The following PPFIA2 variants were observed in gnomAD, a reference collection of about 807,000 sequenced individuals.
PPFIA2 encodes PPFI scaffold protein A2.
Under a neutral mutation model 175.5 loss-of-function variants are expected in PPFIA2, and 46 were observed. That is an observed-to-expected ratio of 0.26 (90% CI 0.21 to 0.34). The LOEUF is 0.34. Ranked by LOEUF, PPFIA2 falls within the 10% of genes least tolerant of loss-of-function variation. The pLI, the probability that PPFIA2 is intolerant of heterozygous loss-of-function variation, is 1.00. For missense variants in PPFIA2, 1,179 were observed against 1,506.1 expected (o/e 0.78, Z 3.60); for synonymous variants, 568 against 511.4 (o/e 1.11, Z -1.49).
intron 6 of PPFIA2, among the ~76,000 whole-genome samples, chr12:81,442,848 CATATATATAT>C (rs35192542): frequency 0.017 from 242 of 14,086 alleles, 2 homozygotes; most frequent in Non-Finnish European, 0.021. Flanking sequence ...TTTCTGACTT[CATATATATAT>C]ATATATATAT....
intron 4 of PPFIA2, among the ~76,000 whole-genome samples, chr12:81,605,619 T>C (rs554650186): frequency 5.0e-4 from 76 of 151,268 alleles, no homozygotes; most frequent in African/African-American, 1.8e-3. Flanking sequence ...GTAATATCAC[T>C]AGCCTGTCTG....
chr12:81,267,354 C>A, intron 29 of PPFIA2: 2 of 385,698 alleles, frequency 5.2e-6, no homozygotes, highest in Admixed American at 3.8e-5. Context: ...ACGAGACTGC[C>A]AAATTTTTAT....
At chr12:81,720,046 A>T (rs532483849) in intron 3 of PPFIA2, among the ~76,000 whole-genome samples, 24 of 103,374 alleles carry the variant, frequency 2.3e-4, no homozygotes, top group African/African-American at 3.2e-4. Flanking sequence ...TAGTAAATTT[A>T]AAAAAAAATG....
At chr12:81,749,197 C>T (rs2083433560) in intron 3 of PPFIA2, among the ~76,000 whole-genome samples, 1 of 144,376 alleles carries the variant, frequency 6.9e-6, no homozygotes, top group Admixed American at 7.3e-5. Flanking sequence ...AAAAATACCT[C>T]TTTAATATCA....
intron 4 of PPFIA2, among the ~76,000 whole-genome samples, chr12:81,658,804 G>A (rs1313306415): frequency 3.3e-5 from 5 of 151,764 alleles, no homozygotes; most frequent in African/African-American, 1.2e-4. Context: ...AAATAGAAAA[G>A]GAAGGGAGAA....
At chr12:81,508,850 T>C (rs2061482078) in intron 4 of PPFIA2, among the ~76,000 whole-genome samples, 1 of 146,762 alleles carries the variant, frequency 6.8e-6, no homozygotes, top group Non-Finnish European at 1.5e-5. Flanking sequence ...CACCTATGAG[T>C]GAGAATATGC....
At chr12:81,590,593 T>C (rs961213894) in intron 4 of PPFIA2, among the ~76,000 whole-genome samples, 18 of 152,092 alleles carry the variant, frequency 1.2e-4, no homozygotes, top group Admixed American at 6.6e-4. Context: ...CCATGTGTTG[T>C]GGGAGGAACC....
chr12:81,482,095 C>G (rs997618586), intron 4 of PPFIA2, among the ~76,000 whole-genome samples: 1 of 152,064 alleles, frequency 6.6e-6, no homozygotes, highest in Non-Finnish European at 1.5e-5. Context: ...ACAGACACTT[C>G]TCAAAAGAAG....
At chr12:81,673,710 T>C (rs116523990) in intron 4 of PPFIA2, among the ~76,000 whole-genome samples, 1,788 of 152,134 alleles carry the variant, frequency 0.012, 41 homozygotes, top group African/African-American at 0.04. Flanking sequence ...TTTTCTCCAA[T>C]GATAAAAGCA....
intron 4 of PPFIA2, among the ~76,000 whole-genome samples, chr12:81,523,337 AC>A (rs2063371052): frequency 6.6e-6 from 1 of 151,888 alleles, no homozygotes; most frequent in Non-Finnish European, 1.5e-5. Flanking sequence ...AGAATTGACC[AC>A]CCCCTATATT....
chr12:81,695,335 A>T (rs1397622390), intron 3 of PPFIA2, among the ~76,000 whole-genome samples: 1 of 152,146 alleles, frequency 6.6e-6, no homozygotes, highest in Non-Finnish European at 1.5e-5. Flanking sequence ...TCATAGGAGC[A>T]TATCCTTCAT....
chr12:81,717,368 A>G (rs962815037), intron 3 of PPFIA2, among the ~76,000 whole-genome samples: 6 of 151,696 alleles, frequency 4.0e-5, no homozygotes, highest in Non-Finnish European at 1.5e-5. Flanking sequence ...CATAGATCAT[A>G]GTTTGCTAGC....
At chr12:81,546,796 G>T (rs139063629) in intron 4 of PPFIA2, among the ~76,000 whole-genome samples, 19 of 151,794 alleles carry the variant, frequency 1.3e-4, no homozygotes, top group African/African-American at 4.1e-4. Flanking sequence ...GATAGATCAT[G>T]TTTTTTATGT....
intron 4 of PPFIA2, among the ~76,000 whole-genome samples, chr12:81,582,451 C>T (rs181848600): frequency 1.6e-4 from 24 of 151,636 alleles, no homozygotes; most frequent in East Asian, 1.4e-3. Context: ...ATTAGATTAA[C>T]GCAATATTAA....
chr12:81,477,940 G>T (rs189702384), intron 4 of PPFIA2, among the ~76,000 whole-genome samples: 33 of 152,108 alleles, frequency 2.2e-4, no homozygotes, highest in African/African-American at 7.5e-4. Context: ...AGTTAGGGAG[G>T]AGTCCCTCTT....
chr12:81,585,487 T>C (rs1310292917), intron 4 of PPFIA2, among the ~76,000 whole-genome samples: 1 of 151,926 alleles, frequency 6.6e-6, no homozygotes, highest in Non-Finnish European at 1.5e-5. Context: ...TAAGCTTCTT[T>C]TCTATTTGAT....
rs916561476 is a variant in PPFIA2, at chr12:81,300,141, A to G, written c.2643-759T>C. Among the ~76,000 whole-genome samples the G allele has an allele frequency of 2.0e-5, 3 of 152,162 alleles. No individual in the cohort carries two copies. In the South Asian group the frequency reaches 6.2e-4, roughly 31 times the overall value. On this transcript the variant is annotated intron_variant, in intron 22 of 32. Transcript: ENST00000549396. ...TATAATTTCACTGACCCTCTTACTGATTTTTAGAATTGACATCCACTTACA... is the reference window on the plus strand; with the variant it reads ...TATAATTTCACTGACCCTCTTACTGGTTTTTAGAATTGACATCCACTTACA...
chr12:81,728,670 CTGT>C (rs1265132806), intron 3 of PPFIA2, among the ~76,000 whole-genome samples: 4 of 151,352 alleles, frequency 2.6e-5, no homozygotes, highest in African/African-American at 7.3e-5. Flanking sequence ...TATAAAATTA[CTGT>C]TGTTTTGCAG....
chr12:81,351,055 A>T (rs2059916508), intron 17 of PPFIA2, among the ~76,000 whole-genome samples: 1 of 152,156 alleles, frequency 6.6e-6, no homozygotes, highest in African/African-American at 2.4e-5. Context: ...GAAAAAGCTG[A>T]TGTCATTGGA....
Sources: allele counts gnomAD v4.1 joint callset (sites outside exome capture counted in the v4.1 genomes callset), GRCh38; gene constraint gnomAD v4.1.1; transcripts MANE v1.5; gene names NCBI Gene and HGNC (gene_info 2026-07-23, HGNC 2026-07-21).